The following NID1 variants were observed in gnomAD, a reference collection of about 807,000 sequenced individuals.
The protein encoded by NID1 is nidogen-1.
NID1 carries 76 observed loss-of-function variants against 130.6 expected under a neutral mutation model. The ratio of observed to expected loss-of-function variants is 0.58; its 90% confidence interval spans 0.48 to 0.70. NID1 has a LOEUF of 0.70. NID1 is among the 30% of genes least tolerant of loss of function. The pLI is 0.00. For missense variants in NID1, 1,517 were observed against 1,664.8 expected, an observed-to-expected ratio of 0.91 and a Z score of 1.54; for synonymous variants, 665 against 675.1, an observed-to-expected ratio of 0.98 and a Z score of 0.23.
In NID1 at chr1:236,065,040, G is replaced by T. The variant is rs1207041324; in HGVS notation, c.40C>A (p.Arg14=). The T allele has an allele frequency of 1.3e-6, 2 of 1,555,662 alleles. No individual in the cohort carries two copies. Among genetic ancestry groups the T allele is most frequent in the East Asian group, 4.9e-5 (2 of 41,198 alleles). The change falls in exon 1 of 20, where the codon CGG becomes AGG. Residue 14 remains arginine (R), a synonymous_variant. Transcript: ENST00000264187. This position sits in a 1 kb window ranked among gnomAD's most constrained non-coding sequence, Gnocchi z 4.1. ...AGCAGCAGCGGCAGCAGCAGCGCCC[G>T]CGTCCACGCAGCCCGGATCCGGCTG... ...SSSRIRAAWT[R]ALLLPLLLAG...
chr1:236,056,628 C>T (rs980334411), intron 1 of NID1, among the ~76,000 whole-genome samples: 1 of 152,286 alleles, frequency 6.6e-6, no homozygotes. Flanking sequence ...AACCTCTTTT[C>T]GTCCCATACC....
intron 7 of NID1, among the ~76,000 whole-genome samples, chr1:236,026,744 T>G (rs902366131): frequency 6.6e-6 from 1 of 151,558 alleles, no homozygotes; most frequent in Non-Finnish European, 1.5e-5. Flanking sequence ...TTTTCATTTT[T>G]TTTTTTTTTT....
At chr1:236,040,597 T>C (rs1204751490) in intron 4 of NID1, among the ~76,000 whole-genome samples, 1 of 151,894 alleles carries the variant, frequency 6.6e-6, no homozygotes, top group Non-Finnish European at 1.5e-5. Flanking sequence ...TTTATATGAG[T>C]CTTAGTGGAT....
intron 5 of NID1, among the ~76,000 whole-genome samples, chr1:236,034,515 G>A (rs1365281899): frequency 2.6e-5 from 4 of 152,020 alleles, no homozygotes; most frequent in African/African-American, 9.7e-5. Flanking sequence ...TCATCATCAT[G>A]CTAAGGGAAA....
intron 13 of NID1, among the ~76,000 whole-genome samples, chr1:235,992,335 G>A (rs901710930): frequency 2.0e-5 from 3 of 152,168 alleles, no homozygotes; most frequent in Non-Finnish European, 4.4e-5. Flanking sequence ...TTCATCGTAA[G>A]TAGTGCAACA....
rs376548281 is a variant in NID1, at chr1:235,979,797, G to A, written c.3509+25C>T. 1.6e-4 allele frequency: 257 copies of A among 1,611,460 alleles called. No homozygotes were observed. Among genetic ancestry groups the A allele is most frequent in the Non-Finnish European group, 2.1e-4 (246 of 1,178,370 alleles). ...GTGGGTGGAGGGGCAGGCCCACGCAGCCCCCATGGCTACAGCTGACGTACA... is the reference window on the plus strand; with the variant it reads ...GTGGGTGGAGGGGCAGGCCCACGCAACCCCCATGGCTACAGCTGACGTACA... On this transcript the variant is annotated intron_variant, in intron 18 of 19. Transcript: ENST00000264187. This position sits in a 1 kb window ranked among gnomAD's most constrained non-coding sequence, Gnocchi z 4.6.
rs533973575 is a variant in NID1, at chr1:236,000,323, A to G, written c.2528-6451T>C. On this transcript the variant is annotated intron_variant, in intron 12 of 19. Transcript: ENST00000264187. ...GTTCTCTCTGAAGCCGCCTACCTGG[A>G]GGCTTCATCTGCATGACTAAACCTT... 1.3e-3 allele frequency among the ~76,000 whole-genome samples: 191 copies of G among 152,360 alleles called. 1 individual carries two copies. Among genetic ancestry groups the G allele is most frequent in the African/African-American group, 4.4e-3 (185 of 41,586 alleles).
intron 1 of NID1, among the ~76,000 whole-genome samples, chr1:236,050,189 C>G (rs1205438361): frequency 6.6e-6 from 1 of 152,186 alleles, no homozygotes; most frequent in Non-Finnish European, 1.5e-5. Flanking sequence ...CAAAATTGGT[C>G]CTTTTCCAAA....
chr1:236,061,674 C>T (rs757014937), intron 1 of NID1, among the ~76,000 whole-genome samples: 3 of 151,928 alleles, frequency 2.0e-5, no homozygotes, highest in African/African-American at 7.3e-5. Context: ...CCATGTTGGC[C>T]AGGCTGGTCT....
chr1:236,044,543 C>T (rs1344869779), intron 3 of NID1, among the ~76,000 whole-genome samples: 4 of 152,132 alleles, frequency 2.6e-5, no homozygotes, highest in East Asian at 3.9e-4. Context: ...AACAGGCAAA[C>T]GCTATAAATC....
intron 17 of NID1, among the ~76,000 whole-genome samples, chr1:235,980,187 G>C (rs1006660994): frequency 2.0e-5 from 3 of 152,200 alleles, no homozygotes; most frequent in African/African-American, 7.2e-5. Flanking sequence ...ATCGGTATCA[G>C]GGTGACTCCA....
chr1:236,048,874 G>A lies in NID1; in HGVS notation c.341C>T (p.Thr114Ile), dbSNP rs776069334. 3 of 1,614,126 alleles carry A rather than the reference G, an allele frequency of 1.9e-6. No homozygotes were observed. The highest frequency in any genetic ancestry group is 3.3e-5 in the Admixed American group (2 of 60,002). The change falls in exon 2 of 20, where the codon ACC (threonine) becomes ATC (isoleucine). Residue 114 changes from threonine (T) to isoleucine (I), a missense_variant. Transcript: ENST00000264187. Reference sequence around the variant, plus strand: ...ATAATAAACCTTCCCCAGGCCATCGGTCGTGTCCAAGTCCGCCAGGAAAGG... The same window carrying A: ...ATAATAAACCTTCCCCAGGCCATCGATCGTGTCCAAGTCCGCCAGGAAAGG... ...VAPFLADLDT[T>I]DGLGKVYYRE... is the part of the protein sequence containing the mutation.
intron 1 of NID1, among the ~76,000 whole-genome samples, chr1:236,050,526 T>G (rs570308476): frequency 6.7e-6 from 1 of 149,894 alleles, no homozygotes; most frequent in South Asian, 2.1e-4. Context: ...CACTCCAGCC[T>G]GGGCAACAAG....
intron 1 of NID1, 48 bp from the exon 2 acceptor site, chr1:236,049,037 TCTCAGTAAGACTGAGCA>T (rs1175182685): frequency 3.2e-6 from 5 of 1,583,958 alleles, no homozygotes; most frequent in Non-Finnish European, 4.3e-6. Flanking sequence ...ACGGGTCCTT[TCTCAGTAAGACTGAGCA>T]CCCACTCCTA....
In NID1 at chr1:236,032,431, C is replaced by T. The variant is rs762088577; in HGVS notation, c.1507G>A (p.Asp503Asn). 4.3e-6 allele frequency: 7 copies of T among 1,613,990 alleles called. No homozygotes were observed. The highest frequency in any genetic ancestry group is 1.7e-4 in the Middle Eastern group (1 of 6,034). Residue 503 changes from aspartate (D) to asparagine (N), a missense_variant, in exon 6 of 20, where the codon GAC (aspartate) becomes AAC (asparagine). This residue lies in a region of NID1 where 1,329 missense variants were observed against 1,429.2 expected (regional missense o/e 0.93). Transcript: ENST00000264187. ...ATGCTGAACCCATTCTTGAATCCGT[C>T]CTGCTCCACTGCAAACATCCATCCA... ...IIGWMFAVEQ[D>N]GFKNGFSITG...
At chr1:235,978,060 T>C (rs2103359557) in intron 19 of NID1, 72 bp from the exon 20 acceptor site, 1 of 1,556,154 alleles carries the variant, frequency 6.4e-7, no homozygotes, top group East Asian at 2.3e-5. Context: ...GATAGTGGGC[T>C]CCTTCTTGTG....
At chr1:236,034,169 C>T (rs754550784) in intron 5 of NID1, among the ~76,000 whole-genome samples, 7 of 151,892 alleles carry the variant, frequency 4.6e-5, no homozygotes, top group Non-Finnish European at 7.4e-5. Context: ...ATCTGTAATC[C>T]CAGCACTTTG....
At chr1:236,039,891 T>C (rs556222378) in intron 4 of NID1, among the ~76,000 whole-genome samples, 4 of 152,284 alleles carry the variant, frequency 2.6e-5, no homozygotes, top group African/African-American at 9.6e-5. Context: ...TTATGGCCTG[T>C]GTACATGTGA....
intron 12 of NID1, among the ~76,000 whole-genome samples, chr1:236,003,825 C>T (rs923403232): frequency 6.6e-6 from 1 of 151,828 alleles, no homozygotes; most frequent in Non-Finnish European, 1.5e-5. Context: ...AGCTGAGATG[C>T]AGCCACTGCA....
Sources: gnomAD v4.1 joint callset for allele counts (sites outside exome capture counted in the v4.1 genomes callset) on GRCh38, gnomAD v4.1.1 for gene constraint, gnomAD v4.1.1 regional missense constraint, Gnocchi (gnomAD v3.1) non-coding constraint, MANE v1.5 for transcripts, NCBI Gene and HGNC (gene_info 2026-07-23, HGNC 2026-07-21) for gene names.